The following SLC10A7 variants were observed in gnomAD, a reference collection of about 807,000 sequenced individuals.
SLC10A7 encodes the protein solute carrier family 10 member 7.
Under a neutral mutation model 43.2 loss-of-function variants are expected in SLC10A7, and 29 were observed. That is an observed-to-expected ratio of 0.67 (90% CI 0.50 to 0.92). SLC10A7 has a LOEUF of 0.92. Among genes scored for constraint, SLC10A7 ranks in the 40% least tolerant of loss-of-function variants. The pLI is 0.00. For synonymous variants in SLC10A7, 152 were observed against 144.8 expected (o/e 1.05, Z -0.35); for missense variants, 295 against 403.2 (o/e 0.73, Z 2.30).
At chr4:146,335,250 G>GAAAAAAAAAAAAAAAAAAAAAAAA (rs772547279) in intron 5 of SLC10A7, among the ~76,000 whole-genome samples, 1 of 70,602 alleles carries the variant, frequency 1.4e-5, no homozygotes, top group Non-Finnish European at 2.4e-5. Context: ...CACAGATGTT[G>GAAAAAAAAAAAAAAAAAAAAAAAA]TAAAAAAAAA....
chr4:146,468,475 T>A (rs1733254251), intron 4 of SLC10A7, among the ~76,000 whole-genome samples: 1 of 149,658 alleles, frequency 6.7e-6, no homozygotes, highest in Non-Finnish European at 1.5e-5. Flanking sequence ...ATATTTTAAT[T>A]TTTTTTTTTT....
chr4:146,404,110 G>A (rs1430896810), intron 5 of SLC10A7, among the ~76,000 whole-genome samples: 6 of 151,986 alleles, frequency 3.9e-5, no homozygotes, highest in Non-Finnish European at 8.8e-5. Context: ...TCCACCACCC[G>A]GGCTCAAGTG....
At chr4:146,363,455 C>T (rs901377049) in intron 5 of SLC10A7, among the ~76,000 whole-genome samples, 2 of 152,008 alleles carry the variant, frequency 1.3e-5, no homozygotes, top group Non-Finnish European at 2.9e-5. Flanking sequence ...ACACATCATC[C>T]AGACAGAAAT....
At chr4:146,515,082 G>C in intron 2 of SLC10A7, 1 of 701,458 alleles carries the variant, frequency 1.4e-6, no homozygotes, top group East Asian at 2.7e-5. Flanking sequence ...GACAGCTGTG[G>C]CATTCTTCCT....
intron 4 of SLC10A7, among the ~76,000 whole-genome samples, chr4:146,447,712 A>G (rs17021514): frequency 0.013 from 1,929 of 152,048 alleles, 64 homozygotes; most frequent in East Asian, 0.072. Flanking sequence ...AATATTGACT[A>G]GATTGACTTC....
chr4:146,285,432 G>A (rs1729830662), intron 9 of SLC10A7, among the ~76,000 whole-genome samples: 1 of 152,124 alleles, frequency 6.6e-6, no homozygotes, highest in South Asian at 2.1e-4. Context: ...GCAGGCTTTT[G>A]GAGCAAACAC....
At chr4:146,330,381 T>C (rs1176641681) in intron 5 of SLC10A7, among the ~76,000 whole-genome samples, 1 of 152,208 alleles carries the variant, frequency 6.6e-6, no homozygotes, top group African/African-American at 2.4e-5. Context: ...ATCACACAGA[T>C]ATTAAAATTG....
At chr4:146,326,024 A>G (rs1317362508) in intron 5 of SLC10A7, 28 bp from the exon 6 acceptor site, 1 of 1,604,956 alleles carries the variant, frequency 6.2e-7, no homozygotes, top group Non-Finnish European at 8.5e-7. Flanking sequence ...GAGGATGATC[A>G]TTTATCAGCC....
At chr4:146,411,729 G>T (rs1728207816) in intron 5 of SLC10A7, among the ~76,000 whole-genome samples, 1 of 152,004 alleles carries the variant, frequency 6.6e-6, no homozygotes, top group Non-Finnish European at 1.5e-5. Context: ...TAAAAGTGAA[G>T]AAGAAAAATA....
intron 5 of SLC10A7, among the ~76,000 whole-genome samples, chr4:146,437,645 C>T (rs962523784): frequency 6.6e-6 from 1 of 151,948 alleles, no homozygotes; most frequent in Non-Finnish European, 1.5e-5. Flanking sequence ...CAATACTGTA[C>T]AAAATAAGAG....
intron 9 of SLC10A7, among the ~76,000 whole-genome samples, chr4:146,289,950 G>A (rs893627548): frequency 5.4e-5 from 8 of 149,308 alleles, no homozygotes; most frequent in African/African-American, 1.9e-4. Flanking sequence ...TCCTGACCTC[G>A]TGATCCACCC....
At chr4:146,462,070 T>A (rs1273102259) in intron 4 of SLC10A7, among the ~76,000 whole-genome samples, 1 of 152,064 alleles carries the variant, frequency 6.6e-6, no homozygotes, top group African/African-American at 2.4e-5. Flanking sequence ...AATTTAGTTT[T>A]ATTTTTTCAA....
chr4:146,292,019 C>T (rs1025876173), intron 9 of SLC10A7, among the ~76,000 whole-genome samples: 1 of 152,198 alleles, frequency 6.6e-6, no homozygotes, highest in Non-Finnish European at 1.5e-5. Context: ...GACATGGAGA[C>T]TAATTTGGAT....
chr4:146,300,984 T>G (rs895497688), intron 7 of SLC10A7, among the ~76,000 whole-genome samples: 1 of 152,192 alleles, frequency 6.6e-6, no homozygotes, highest in African/African-American at 2.4e-5. Context: ...CTTGAATATG[T>G]TATTAAGTAT....
At position 146,286,348 on chromosome 4, in the gene SLC10A7, T is replaced by C. The variant is rs867406397; in HGVS notation, c.774-3083A>G. On this transcript the variant is annotated intron_variant, in intron 9 of 11. Transcript: ENST00000335472. ...TTTGGAGTGGTGAGAAGGACTGTGTTTGGAGTGGTGAGAAGGACTGAGTTT... is the reference window on the plus strand; with the variant it reads ...TTTGGAGTGGTGAGAAGGACTGTGTCTGGAGTGGTGAGAAGGACTGAGTTT... Among the ~76,000 whole-genome samples the C allele has an allele frequency of 6.2e-5, 9 of 145,978 alleles. No individual in the cohort carries two copies. The East Asian group carries it at 1.1e-3, about 17-fold the overall frequency.
At chr4:146,464,672 A>G (rs538421171) in intron 4 of SLC10A7, among the ~76,000 whole-genome samples, 1 of 152,196 alleles carries the variant, frequency 6.6e-6, no homozygotes, top group East Asian at 1.9e-4. Context: ...GCCATTAAGA[A>G]TAACAGTAAT....
At chr4:146,385,180 A>G (rs1284470008) in intron 5 of SLC10A7, among the ~76,000 whole-genome samples, 3 of 152,024 alleles carry the variant, frequency 2.0e-5, no homozygotes, top group Non-Finnish European at 4.4e-5. Flanking sequence ...TAGGGTTTCA[A>G]TAATATCTTT....
intron 5 of SLC10A7, among the ~76,000 whole-genome samples, chr4:146,373,983 T>C (rs1157090128): frequency 6.6e-6 from 1 of 152,142 alleles, no homozygotes; most frequent in Non-Finnish European, 1.5e-5. Flanking sequence ...TACAGATTGG[T>C]TACCTATGGA....
At chr4:146,326,932 A>G (rs1439220919) in intron 5 of SLC10A7, among the ~76,000 whole-genome samples, 48 of 92,520 alleles carry the variant, frequency 5.2e-4, no homozygotes, top group Non-Finnish European at 1.6e-4. Context: ...ACACACACAC[A>G]CACACACACA....
Sources: gnomAD v4.1 joint callset for allele counts (sites outside exome capture counted in the v4.1 genomes callset) on GRCh38, gnomAD v4.1.1 for gene constraint, MANE v1.5 for transcripts, NCBI Gene and HGNC (gene_info 2026-07-23, HGNC 2026-07-21) for gene names.